The following ARHGAP42 variants were observed in gnomAD, a reference collection of about 807,000 sequenced individuals.
The protein encoded by ARHGAP42 is rho GTPase-activating protein 42.
Under a neutral mutation model 125.0 loss-of-function variants are expected in ARHGAP42, and 63 were observed. The observed-to-expected ratio is 0.50, with a 90% CI of 0.41 to 0.62. ARHGAP42 has a LOEUF of 0.62. ARHGAP42 is among the 20% of genes least tolerant of loss of function. ARHGAP42 has a pLI of 0.00. For missense variants in ARHGAP42, 766 were observed against 1,024.2 expected (o/e 0.75, Z 3.44); for synonymous variants, 339 against 351.0 (o/e 0.97, Z 0.38).
At chr11:100,924,058 G>A (rs1208327493) in intron 6 of ARHGAP42, among the ~76,000 whole-genome samples, 5 of 152,018 alleles carry the variant, frequency 3.3e-5, no homozygotes, top group Non-Finnish European at 5.9e-5. Context: ...TGTTTTTGCC[G>A]GTTTTATTCT....
At chr11:100,795,225 G>C in intron 3 of ARHGAP42, 59 bp downstream of exon 3, 2 of 1,295,874 alleles carry the variant, frequency 1.5e-6, no homozygotes, top group South Asian at 3.1e-5. Context: ...TAAAGAGAAA[G>C]AATGGACTTC....
At chr11:100,905,969 T>C (rs1007290748) in intron 4 of ARHGAP42, among the ~76,000 whole-genome samples, 1 of 152,208 alleles carries the variant, frequency 6.6e-6, no homozygotes, top group African/African-American at 2.4e-5. Context: ...AGTCTTAATA[T>C]GTTTAAACAT....
chr11:100,734,902 G>T (rs1286864498), intron 1 of ARHGAP42, among the ~76,000 whole-genome samples: 1 of 152,018 alleles, frequency 6.6e-6, no homozygotes, highest in Non-Finnish European at 1.5e-5. Flanking sequence ...AATGTGTTAA[G>T]TTCGTCAGTA....
At chr11:100,952,862 G>A (rs1857701313) in intron 12 of ARHGAP42, among the ~76,000 whole-genome samples, 1 of 151,854 alleles carries the variant, frequency 6.6e-6, no homozygotes, top group Non-Finnish European at 1.5e-5. Flanking sequence ...CAAGTAGCTG[G>A]GATTACAGGC....
chr11:100,936,473 A>C, intron 8 of ARHGAP42, 141 bp downstream of exon 8: 3 of 1,172,810 alleles, frequency 2.6e-6, no homozygotes, highest in Middle Eastern at 2.0e-4. Flanking sequence ...ACCACAACCA[A>C]AGTGAGGACG....
intron 17 of ARHGAP42, among the ~76,000 whole-genome samples, chr11:100,968,506 T>TC (rs1565299584): frequency 6.6e-6 from 1 of 152,148 alleles, no homozygotes; most frequent in Non-Finnish European, 1.5e-5. Context: ...TTCCTCTTTC[T>TC]CCTTTTTGTG....
intron 1 of ARHGAP42, among the ~76,000 whole-genome samples, chr11:100,723,517 CT>C (rs949547783): frequency 1.3e-5 from 2 of 151,166 alleles, no homozygotes; most frequent in African/African-American, 2.4e-5. Flanking sequence ...CTAAGTATTT[CT>C]TTTTTTTTCT....
At chr11:100,930,298 A>T (rs1353004211) in intron 6 of ARHGAP42, among the ~76,000 whole-genome samples, 1 of 152,194 alleles carries the variant, frequency 6.6e-6, no homozygotes, top group Non-Finnish European at 1.5e-5. Flanking sequence ...CTTTCATTTC[A>T]CATCTTGGAA....
intron 10 of ARHGAP42, among the ~76,000 whole-genome samples, chr11:100,947,302 T>C (rs1401297455): frequency 6.6e-6 from 1 of 152,006 alleles, no homozygotes; most frequent in Non-Finnish European, 1.5e-5. Context: ...AATTCTCTTA[T>C]CTGACCTATT....
Position 100,974,454 on chromosome 11 carries a change from C to T in ARHGAP42, c.1711-5C>T, listed in dbSNP as rs764965272. On this transcript the variant is annotated splice_region_variant and splice_polypyrimidine_tract_variant and intron_variant, in intron 18 of 23. Transcript: ENST00000298815. ...TTGACCTTGGTCCATTTTTCTTATACGTAGATTTTTCATACTGCTCCAGAC... is the reference window on the plus strand; with the variant it reads ...TTGACCTTGGTCCATTTTTCTTATATGTAGATTTTTCATACTGCTCCAGAC... 50 of 1,546,792 alleles carry T rather than the reference C, an allele frequency of 3.2e-5. No individual in the cohort carries two copies. Among genetic ancestry groups the T allele is most frequent in the Admixed American group, 3.2e-4 (16 of 50,492 alleles).
At chr11:100,908,424 TCTATTA>T (rs1426463282) in intron 4 of ARHGAP42, among the ~76,000 whole-genome samples, 1 of 152,180 alleles carries the variant, frequency 6.6e-6, no homozygotes, top group Admixed American at 6.5e-5. Context: ...GTCTCCAGTG[TCTATTA>T]CTCCACTCTG....
At chr11:100,827,203 A>T (rs916363918) in intron 3 of ARHGAP42, among the ~76,000 whole-genome samples, 1 of 151,888 alleles carries the variant, frequency 6.6e-6, no homozygotes, top group African/African-American at 2.4e-5. Context: ...GGGTTTCACA[A>T]TGTTGGCCAG....
chr11:100,958,775 TAAA>T (rs1472138106), intron 12 of ARHGAP42, among the ~76,000 whole-genome samples: 5 of 152,034 alleles, frequency 3.3e-5, no homozygotes, highest in African/African-American at 1.2e-4. Flanking sequence ...CAACACATAA[TAAA>T]TACCTCTTCA....
intron 1 of ARHGAP42, among the ~76,000 whole-genome samples, chr11:100,738,157 CTG>C (rs1862106171): frequency 6.6e-6 from 1 of 152,098 alleles, no homozygotes; most frequent in Non-Finnish European, 1.5e-5. Context: ...CGTAGAAATA[CTG>C]TGATAGCCTT....
chr11:100,890,978 A>C (rs1027786329), intron 4 of ARHGAP42, among the ~76,000 whole-genome samples: 1 of 152,224 alleles, frequency 6.6e-6, no homozygotes, highest in Non-Finnish European at 1.5e-5. Flanking sequence ...GTTGGTTTTC[A>C]TAATGAGTTG....
intron 3 of ARHGAP42, among the ~76,000 whole-genome samples, chr11:100,811,191 G>A (rs1306653668): frequency 6.6e-6 from 1 of 152,060 alleles, no homozygotes; most frequent in African/African-American, 2.4e-5. Flanking sequence ...CCTGACCTCA[G>A]GTGATCCGCC....
intron 1 of ARHGAP42, among the ~76,000 whole-genome samples, chr11:100,717,656 A>AG (rs1861688002): frequency 1.3e-5 from 2 of 150,152 alleles, no homozygotes; most frequent in African/African-American, 4.9e-5. Flanking sequence ...AAAAAAAAAA[A>AG]AGATTCCATA....
intron 1 of ARHGAP42, among the ~76,000 whole-genome samples, chr11:100,712,246 T>C (rs1214368150): frequency 6.6e-6 from 1 of 152,200 alleles, no homozygotes; most frequent in African/African-American, 2.4e-5. Context: ...AACTGTGCTT[T>C]TAACCTGTAT....
intron 17 of ARHGAP42, 40 bp from the exon 18 acceptor site, chr11:100,973,135 A>C: frequency 1.4e-6 from 2 of 1,459,240 alleles, no homozygotes; most frequent in Non-Finnish European, 1.8e-6. Flanking sequence ...TAATTTTGAA[A>C]CATATAACTT....
Sources: gnomAD v4.1 joint callset for allele counts (sites outside exome capture counted in the v4.1 genomes callset) on GRCh38, gnomAD v4.1.1 for gene constraint, MANE v1.5 for transcripts, NCBI Gene and HGNC (gene_info 2026-07-23, HGNC 2026-07-21) for gene names.